SYT16: variants seen among roughly 807,000 people sequenced by gnomAD.
SYT16 encodes the protein synaptotagmin 16, also known as synaptotagmin-16.
SYT16 carries 42 observed loss-of-function variants against 61.4 expected under a neutral mutation model. The ratio of observed to expected loss-of-function variants is 0.68; its 90% CI spans 0.53 to 0.89. The LOEUF is 0.89. SYT16 is among the 40% of genes least tolerant of loss of function. SYT16 has a pLI of 0.00. For missense variants in SYT16, 804 were observed against 807.3 expected (o/e 1.00, Z 0.05); for synonymous variants, 314 against 302.3 (o/e 1.04, Z -0.40).
chr14:62,014,518 C>T (rs2053587854), intron 3 of SYT16, among the ~76,000 whole-genome samples: 1 of 151,914 alleles, frequency 6.6e-6, no homozygotes, highest in Non-Finnish European at 1.5e-5. Context: ...ACTGCAACCT[C>T]CACCTCCTGG....
At chr14:61,950,342 T>G (rs926219185) in intron 1 of SYT16, among the ~76,000 whole-genome samples, 11 of 152,238 alleles carry the variant, frequency 7.2e-5, no homozygotes, top group African/African-American at 2.6e-4. Flanking sequence ...TAGATGGGCC[T>G]GTAGTAGTTG....
At chr14:62,079,447 A>G in intron 5 of SYT16, 1 of 749,674 alleles carries the variant, frequency 1.3e-6, no homozygotes. Flanking sequence ...TCCATTTTAC[A>G]GTTGAGGAAA....
At chr14:61,896,156 C>T (rs1485850541) in intron 1 of SYT16, among the ~76,000 whole-genome samples, 1 of 151,842 alleles carries the variant, frequency 6.6e-6, no homozygotes, top group African/African-American at 2.4e-5. Flanking sequence ...TCTTCTCTGG[C>T]CCTGTGCTTT....
intron 4 of SYT16, among the ~76,000 whole-genome samples, chr14:62,073,060 C>G (rs1028773614): frequency 6.6e-6 from 1 of 152,130 alleles, no homozygotes; most frequent in Non-Finnish European, 1.5e-5. Flanking sequence ...TCACCTTTCC[C>G]TTTCCTCCTC....
chr14:61,864,922 C>T lies in SYT16; in HGVS notation c.-325+52112C>T, dbSNP rs1323207110. Reference sequence around the variant, plus strand: ...ATGGCGGGATGCTCCGTGTCTTAACCGGGGTCCTGGGCTGCCTGCAGGCCT... The same window carrying T: ...ATGGCGGGATGCTCCGTGTCTTAACTGGGGTCCTGGGCTGCCTGCAGGCCT... On this transcript the variant is annotated intron_variant, in intron 1 of 7. Transcript: ENST00000683842. The T allele has an allele frequency of 2.7e-5, 35 of 1,284,264 alleles. No individual in the cohort carries two copies. In the South Asian group the frequency reaches 3.0e-4, roughly 11 times the overall value. The allele number at this position is 1,284,264 out of a possible 1,614,324, so 79.6% of individuals were successfully genotyped here.
intron 3 of SYT16, among the ~76,000 whole-genome samples, chr14:62,044,962 AC>A (rs1342127703): frequency 2.6e-5 from 4 of 152,024 alleles, no homozygotes; most frequent in African/African-American, 9.7e-5. Flanking sequence ...ACGTGGTGAA[AC>A]CCCATCTCTA....
intron 3 of SYT16, among the ~76,000 whole-genome samples, chr14:62,045,328 A>G (rs1310514949): frequency 6.6e-6 from 1 of 152,114 alleles, no homozygotes; most frequent in Non-Finnish European, 1.5e-5. Context: ...GCAGTCACCT[A>G]GTCTTTGAAG....
At chr14:61,830,358 C>T (rs151155098) in intron 1 of SYT16, among the ~76,000 whole-genome samples, 21 of 152,290 alleles carry the variant, frequency 1.4e-4, no homozygotes, top group African/African-American at 4.6e-4. Context: ...GGCAATCAAC[C>T]TGCTTGGACT....
intron 1 of SYT16, among the ~76,000 whole-genome samples, chr14:61,863,312 A>G (rs118150879): frequency 0.016 from 2,404 of 152,252 alleles, 37 homozygotes; most frequent in Middle Eastern, 0.048. Flanking sequence ...GATTTTGGCT[A>G]TTCTTATACA....
At chr14:61,950,734 C>T (rs541526405) in intron 1 of SYT16, among the ~76,000 whole-genome samples, 6 of 152,186 alleles carry the variant, frequency 3.9e-5, no homozygotes, top group Non-Finnish European at 8.8e-5. Context: ...AAAATAATAG[C>T]TTACTCCAAG....
chr14:62,079,336 G>T lies in SYT16; in HGVS notation c.994-1498G>T, dbSNP rs1188135740. On this transcript the variant is annotated intron_variant, in intron 5 of 7. Transcript: ENST00000683842. ...TTTTACAAGAAATCTAAATTTTCTT[G>T]CAGGCTAATTTGAATCTTAAAAGAA... 6 of 1,185,548 alleles carry T rather than the reference G, an allele frequency of 5.1e-6. No homozygotes were observed. The African/African-American group carries it at 6.4e-5, about 13-fold the overall frequency. The allele number at this position is 1,185,548 out of a possible 1,614,324, so 73.4% of individuals were successfully genotyped here. A position where few individuals can be genotyped will look rare whatever the true frequency, so the allele number is the denominator to read the frequency against.
intron 3 of SYT16, among the ~76,000 whole-genome samples, chr14:62,011,910 T>TAC (rs2053475162): frequency 1.3e-5 from 1 of 74,886 alleles, no homozygotes; most frequent in African/African-American, 9.3e-5. Context: ...CACACATATA[T>TAC]ATACACACAC....
chr14:61,820,949 C>T (rs1035802117), intron 1 of SYT16, among the ~76,000 whole-genome samples: 34 of 152,226 alleles, frequency 2.2e-4, no homozygotes, highest in Admixed American at 5.2e-4. Context: ...CTGTCTCAGA[C>T]ATCTGCTCTG....
At chr14:62,015,526 A>G (rs2053636738) in intron 3 of SYT16, among the ~76,000 whole-genome samples, 2 of 150,646 alleles carry the variant, frequency 1.3e-5, no homozygotes, top group African/African-American at 4.9e-5. Flanking sequence ...AACAAGTGCT[A>G]TGATCTGAAG....
chr14:61,970,935 G>GTTT (rs33917095), intron 2 of SYT16, among the ~76,000 whole-genome samples: 1 of 148,086 alleles, frequency 6.8e-6, no homozygotes, highest in Non-Finnish European at 1.5e-5. Flanking sequence ...TAACTTTGCT[G>GTTT]TTTTTTTTTT....
intron 3 of SYT16, among the ~76,000 whole-genome samples, chr14:62,047,491 G>C (rs1272869856): frequency 6.6e-6 from 1 of 152,118 alleles, no homozygotes; most frequent in Non-Finnish European, 1.5e-5. Context: ...GATTGCCCTG[G>C]CCAGAACTTC....
At chr14:62,093,003 G>T (rs567229606) in intron 7 of SYT16, among the ~76,000 whole-genome samples, 1 of 152,198 alleles carries the variant, frequency 6.6e-6, no homozygotes, top group African/African-American at 2.4e-5. Flanking sequence ...GACTGATGTT[G>T]CTTCAAGGAA....
chr14:61,997,492 G>A (rs1037486030), intron 3 of SYT16, among the ~76,000 whole-genome samples: 2 of 151,988 alleles, frequency 1.3e-5, no homozygotes, highest in African/African-American at 4.8e-5. Context: ...TTAGGGAAAA[G>A]TTTTATCCAG....
intron 1 of SYT16, among the ~76,000 whole-genome samples, chr14:61,944,814 G>C (rs1250096143): frequency 6.6e-6 from 1 of 152,118 alleles, no homozygotes; most frequent in Non-Finnish European, 1.5e-5. Context: ...ATACTATTCA[G>C]GACATAGACA....
Sources: allele counts gnomAD v4.1 joint callset (sites outside exome capture counted in the v4.1 genomes callset), GRCh38; gene constraint gnomAD v4.1.1; transcripts MANE v1.5; gene names NCBI Gene and HGNC (gene_info 2026-07-23, HGNC 2026-07-21).